DENND1A: variants seen among roughly 807,000 people sequenced by gnomAD.
DENND1A encodes DENN domain-containing protein 1A.
Under a neutral mutation model 113.7 loss-of-function variants are expected in DENND1A, and 51 were observed. The ratio of observed to expected loss-of-function variants is 0.45; its 90% CI spans 0.36 to 0.57. DENND1A has a LOEUF of 0.57. Ranked by LOEUF, DENND1A falls within the 20% of genes least tolerant of loss-of-function variation. The pLI is 0.00. For missense variants in DENND1A, 1,258 were observed against 1,395.9 expected (o/e 0.90, Z 1.57); for synonymous variants, 565 against 570.8 (o/e 0.99, Z 0.14).
chr9:123,561,198 C>T (rs1002837989), intron 12 of DENND1A, among the ~76,000 whole-genome samples: 1 of 152,170 alleles, frequency 6.6e-6, no homozygotes, highest in Non-Finnish European at 1.5e-5. Flanking sequence ...CTCTTTCATT[C>T]GGGAGGTGTT....
intron 2 of DENND1A, among the ~76,000 whole-genome samples, chr9:123,845,670 C>CAAAAAAAAAAAAAAAAAAAAAAAAAAA (rs555731367): frequency 1.4e-4 from 6 of 44,092 alleles, no homozygotes; most frequent in African/African-American, 2.3e-4. Flanking sequence ...AACCTGTCTC[C>CAAAAAAAAAAAAAAAAAAAAAAAAAAA]AAAAAAAAAA....
chr9:123,449,533 C>T (rs77047345), intron 18 of DENND1A, among the ~76,000 whole-genome samples: 1 of 72,624 alleles, frequency 1.4e-5, no homozygotes, highest in African/African-American at 4.9e-5. Context: ...GACTCCGTCT[C>T]AAAAAAAAAA....
At chr9:123,552,491 C>CAGCACTGTGACTG (rs2057151885) in intron 13 of DENND1A, among the ~76,000 whole-genome samples, 1 of 152,246 alleles carries the variant, frequency 6.6e-6, no homozygotes, top group African/African-American at 2.4e-5. Context: ...CAACAAAACA[C>CAGCACTGTGACTG]AGCACTGTGA....
chr9:123,727,559 T>C (rs1365540068), intron 5 of DENND1A, among the ~76,000 whole-genome samples: 2 of 152,224 alleles, frequency 1.3e-5, no homozygotes, highest in South Asian at 2.1e-4. Context: ...CATAAACAGA[T>C]GATGACTCAA....
chr9:123,706,960 G>C (rs770428882), intron 5 of DENND1A, among the ~76,000 whole-genome samples: 9 of 152,120 alleles, frequency 5.9e-5, no homozygotes, highest in Non-Finnish European at 1.3e-4. Flanking sequence ...CTATCAGATA[G>C]CCAAGAGAAG....
chr9:123,599,425 G>A lies in DENND1A; in HGVS notation c.765+10011C>T, dbSNP rs1172443833. Among the ~76,000 whole-genome samples, 4 of 152,304 alleles carry A rather than the reference G, an allele frequency of 2.6e-5. No individual in the cohort carries two copies. The South Asian group carries it at 6.2e-4, about 24-fold the overall frequency. On this transcript the variant is annotated intron_variant, in intron 11 of 23. Transcript: ENST00000394215. ...ACAGTTTGACCTCTTTGTACAAAAC[G>A]ACTGTTGAGCTATCTTCTAGAGATG...
intron 12 of DENND1A, among the ~76,000 whole-genome samples, chr9:123,568,339 T>A (rs2058167516): frequency 2.6e-5 from 4 of 152,198 alleles, no homozygotes; most frequent in Admixed American, 2.6e-4. Context: ...CCCTTCTTTT[T>A]TTTGCAGGAT....
intron 16 of DENND1A, among the ~76,000 whole-genome samples, chr9:123,454,037 C>T (rs2047930464): frequency 6.6e-6 from 1 of 152,190 alleles, no homozygotes; most frequent in Non-Finnish European, 1.5e-5. Context: ...AAGGGACTCG[C>T]CTGGCAGCAG....
chr9:123,819,520 A>T lies in DENND1A; in HGVS notation c.89-26890T>A, dbSNP rs560748992. On this transcript the variant is annotated intron_variant, in intron 2 of 23. Coordinates refer to ENST00000394215, the MANE Select transcript of DENND1A (RefSeq NM_001352964.2). ...TATATCTTAAAGACTGGGATTAAAAAATATTTTATTTTTTTATTTTTGAGA... is the reference window on the plus strand; with the variant it reads ...TATATCTTAAAGACTGGGATTAAAATATATTTTATTTTTTTATTTTTGAGA... Among the ~76,000 whole-genome samples the T allele has an allele frequency of 3.6e-4, 55 of 152,212 alleles. No individual in the cohort carries two copies. The South Asian group carries it at 4.6e-3, about 13-fold the overall frequency.
At chr9:123,642,899 C>T (rs2062103828) in intron 9 of DENND1A, among the ~76,000 whole-genome samples, 2 of 152,222 alleles carry the variant, frequency 1.3e-5, no homozygotes, top group Non-Finnish European at 2.9e-5. Context: ...CACAGGCTGG[C>T]GTCAACATGA....
At chr9:123,711,884 T>C (rs770175674) in intron 5 of DENND1A, among the ~76,000 whole-genome samples, 17 of 152,362 alleles carry the variant, frequency 1.1e-4, no homozygotes, top group Non-Finnish European at 1.9e-4. Flanking sequence ...CTCTTCATTT[T>C]CCTCAAGTAT....
At chr9:123,690,358 G>GA (rs1005144132) in intron 5 of DENND1A, among the ~76,000 whole-genome samples, 3 of 151,682 alleles carry the variant, frequency 2.0e-5, no homozygotes, top group Middle Eastern at 3.4e-3. Context: ...TAAAATTTAA[G>GA]AAAAAAAAGT....
intron 13 of DENND1A, among the ~76,000 whole-genome samples, chr9:123,507,071 C>A: frequency 6.6e-6 from 1 of 152,184 alleles, no homozygotes; most frequent in East Asian, 1.9e-4. Context: ...TGCCTGTAAT[C>A]CCAGCTACTT....
chr9:123,609,441 T>A lies in DENND1A; in HGVS notation c.760A>T (p.Met254Leu), dbSNP rs371474924. Residue 254 changes from methionine to leucine, a missense_variant, in exon 11 of 24, where the codon ATG (methionine) becomes TTG (leucine). Coordinates refer to ENST00000394215, the MANE Select transcript of DENND1A (RefSeq NM_001352964.2). ...GAGGAAAGAAGCCAACTTACCTCCA[T>A]TAAACTTAAATGGATTCCTATGAGG... ...PYLIGIHLSLMEKVRNMALDD... is the reference protein window; with the variant it reads ...PYLIGIHLSLLEKVRNMALDD... 203 of 1,613,502 alleles carry A rather than the reference T, an allele frequency of 1.3e-4. No individual in the cohort carries two copies. The highest frequency in any genetic ancestry group is 1.7e-4 in the Non-Finnish European group (202 of 1,179,820).
intron 13 of DENND1A, among the ~76,000 whole-genome samples, chr9:123,473,999 T>C (rs1257348641): frequency 1.5e-5 from 2 of 136,970 alleles, no homozygotes; most frequent in African/African-American, 5.4e-5. Flanking sequence ...TTTTTTTTTT[T>C]TTTTTTTTTT....
intron 2 of DENND1A, among the ~76,000 whole-genome samples, chr9:123,837,370 G>T (rs1223972271): frequency 6.6e-6 from 1 of 152,066 alleles, no homozygotes; most frequent in Non-Finnish European, 1.5e-5. Context: ...TCAAGTTAAA[G>T]GAGAAAACAC....
chr9:123,464,800 G>A (rs563125251), intron 13 of DENND1A, among the ~76,000 whole-genome samples: 14 of 151,726 alleles, frequency 9.2e-5, no homozygotes, highest in Non-Finnish European at 2.1e-4. Flanking sequence ...TTATAGCAGT[G>A]GAAGCTGGGA....
chr9:123,639,039 T>TAAAAAAAAAAAAAAAA (rs750972974), intron 9 of DENND1A, among the ~76,000 whole-genome samples: 17 of 32,092 alleles, frequency 5.3e-4, no homozygotes, highest in African/African-American at 6.0e-4. Flanking sequence ...GCATGAGTAG[T>TAAAAAAAAAAAAAAAA]AAAAAAAAAA....
chr9:123,893,109 T>TTA (rs1554806264), intron 1 of DENND1A, among the ~76,000 whole-genome samples: 3 of 146,708 alleles, frequency 2.0e-5, no homozygotes, highest in African/African-American at 4.9e-5. Flanking sequence ...TATATGTTTT[T>TTA]AAAAAAAAAA....
Sources: allele counts gnomAD v4.1 joint callset (sites outside exome capture counted in the v4.1 genomes callset), GRCh38; gene constraint gnomAD v4.1.1; transcripts MANE v1.5; gene names NCBI Gene and HGNC (gene_info 2026-07-23, HGNC 2026-07-21).